TBC1D5: variants seen among roughly 807,000 people sequenced by gnomAD.
TBC1D5 encodes the protein TBC1 domain family, member 5.
TBC1D5 carries 75 observed loss-of-function variants against 100.3 expected under a neutral mutation model. The observed-to-expected ratio is 0.75, with a 90% CI of 0.62 to 0.91. TBC1D5 has a LOEUF of 0.91. Ranked by LOEUF, TBC1D5 falls within the 40% of genes least tolerant of loss-of-function variation. The probability of loss-of-function intolerance (pLI) is 0.00; values close to 1 mark genes in which losing one functional copy is unlikely to be tolerated. For missense variants in TBC1D5, 910 were observed against 942.4 expected (o/e 0.97, Z 0.45); for synonymous variants, 323 against 325.6 (o/e 0.99, Z 0.09).
At chr3:17,360,318 A>C (rs1254524392) in intron 13 of TBC1D5, among the ~76,000 whole-genome samples, 1 of 152,060 alleles carries the variant, frequency 6.6e-6, no homozygotes, top group African/African-American at 2.4e-5. Context: ...ACCACTGTAA[A>C]GTCACAGTTT....
intron 1 of TBC1D5, among the ~76,000 whole-genome samples, chr3:17,738,825 C>A (rs117125756): frequency 6.6e-6 from 1 of 152,172 alleles, no homozygotes; most frequent in Non-Finnish European, 1.5e-5. Flanking sequence ...TGATGATAAT[C>A]TCTGAGCCTC....
At chr3:17,659,844 A>T (rs1160355697) in intron 1 of TBC1D5, among the ~76,000 whole-genome samples, 1 of 152,004 alleles carries the variant, frequency 6.6e-6, no homozygotes, top group Non-Finnish European at 1.5e-5. Flanking sequence ...CATTTCCAGT[A>T]CTCTCATTCT....
At chr3:17,324,234 T>C (rs2085792753) in intron 13 of TBC1D5, among the ~76,000 whole-genome samples, 1 of 152,034 alleles carries the variant, frequency 6.6e-6, no homozygotes, top group Non-Finnish European at 1.5e-5. Flanking sequence ...TAGAAGAAAA[T>C]CTTGTGACAC....
chr3:17,279,387 A>G (rs2080344033), intron 15 of TBC1D5, among the ~76,000 whole-genome samples: 1 of 152,162 alleles, frequency 6.6e-6, no homozygotes, highest in Admixed American at 6.5e-5. Flanking sequence ...GGCACTTTCA[A>G]TCCCTTTGTA....
intron 18 of TBC1D5, among the ~76,000 whole-genome samples, chr3:17,187,825 C>T (rs546309567): frequency 1.1e-4 from 16 of 152,266 alleles, no homozygotes; most frequent in East Asian, 7.7e-4. Flanking sequence ...TGCTGACAGC[C>T]CAGAGTGGAC....
chr3:17,417,610 GT>G (rs1414964856), intron 4 of TBC1D5, among the ~76,000 whole-genome samples: 1 of 152,112 alleles, frequency 6.6e-6, no homozygotes, highest in Non-Finnish European at 1.5e-5. Flanking sequence ...ACTTGGGTTG[GT>G]TCCAAGTCTT....
chr3:17,424,192 G>A (rs1417485140), intron 4 of TBC1D5, among the ~76,000 whole-genome samples: 3 of 152,104 alleles, frequency 2.0e-5, no homozygotes, highest in Non-Finnish European at 4.4e-5. Flanking sequence ...TTATTTCATA[G>A]GTCACTGTTA....
chr3:17,639,079 A>T (rs1185267333), intron 1 of TBC1D5, among the ~76,000 whole-genome samples: 1 of 152,178 alleles, frequency 6.6e-6, no homozygotes, highest in Non-Finnish European at 1.5e-5. Flanking sequence ...TTCTTAGCAG[A>T]TTTATTAATA....
chr3:17,269,887 A>G (rs2079217118), intron 15 of TBC1D5, among the ~76,000 whole-genome samples: 2 of 151,992 alleles, frequency 1.3e-5, no homozygotes, highest in Admixed American at 6.6e-5. Flanking sequence ...TCTTTATCCA[A>G]TCCACCACTG....
chr3:17,190,322 G>A (rs2069712648), intron 18 of TBC1D5, among the ~76,000 whole-genome samples: 2 of 152,194 alleles, frequency 1.3e-5, no homozygotes, highest in African/African-American at 4.8e-5. Context: ...CGTGAGAGAG[G>A]ACTCCTTACA....
chr3:17,674,481 A>C (rs911285924), intron 1 of TBC1D5, among the ~76,000 whole-genome samples: 1 of 152,180 alleles, frequency 6.6e-6, no homozygotes, highest in Non-Finnish European at 1.5e-5. Flanking sequence ...TATCCAACTT[A>C]TATTGATGTT....
chr3:17,683,503 G>A (rs2069790835), intron 1 of TBC1D5, among the ~76,000 whole-genome samples: 1 of 146,506 alleles, frequency 6.8e-6, no homozygotes, highest in African/African-American at 2.8e-5. Context: ...TGCTGTTTAA[G>A]AAAGATGACT....
chr3:17,703,334 C>A (rs563425824), intron 1 of TBC1D5, among the ~76,000 whole-genome samples: 1 of 151,676 alleles, frequency 6.6e-6, no homozygotes, highest in Admixed American at 6.6e-5. Context: ...TATATAGATA[C>A]ATCCATGCAT....
intron 2 of TBC1D5, among the ~76,000 whole-genome samples, chr3:17,546,228 G>A (rs2096413323): frequency 6.6e-6 from 1 of 152,050 alleles, no homozygotes; most frequent in Non-Finnish European, 1.5e-5. Context: ...AAAACCCATA[G>A]CTATCATGGA....
chr3:17,405,922 C>A (rs1222750020), intron 5 of TBC1D5, among the ~76,000 whole-genome samples: 1 of 152,026 alleles, frequency 6.6e-6, no homozygotes, highest in Non-Finnish European at 1.5e-5. Context: ...TTTTGGTAAT[C>A]AGTGGTCCTT....
intron 17 of TBC1D5, among the ~76,000 whole-genome samples, chr3:17,222,823 T>C (rs929162197): frequency 5.9e-5 from 9 of 152,076 alleles, no homozygotes; most frequent in African/African-American, 1.4e-4. Flanking sequence ...TATACTCTAC[T>C]TATGATCTCT....
intron 2 of TBC1D5, among the ~76,000 whole-genome samples, chr3:17,529,305 A>G (rs566100543): frequency 6.6e-6 from 1 of 152,196 alleles, no homozygotes; most frequent in African/African-American, 2.4e-5. Context: ...GAGCCTTTAC[A>G]AAAGTTTCTT....
intron 18 of TBC1D5, among the ~76,000 whole-genome samples, chr3:17,200,959 G>C (rs1272826473): frequency 6.6e-6 from 1 of 152,120 alleles, no homozygotes; most frequent in Non-Finnish European, 1.5e-5. Flanking sequence ...GCATGAATGG[G>C]GAACTCTGTG....
rs150614567 is a variant in TBC1D5, at chr3:17,678,666, TA to T, written c.-100-54754del. Among the ~76,000 whole-genome samples the T allele has an allele frequency of 4.6e-3, 504 of 109,070 alleles. 4 individuals are homozygous for T. Among genetic ancestry groups the T allele is most frequent in the African/African-American group, 9.4e-3 (226 of 23,994 alleles). The allele number at this position is 109,070 out of a possible 152,430, so 71.6% of individuals were successfully genotyped here. ...AAGAGAACTGAGGGAAAAAGAGGGA[TA>T]AAAAAAAAAAAAAAAAAAAACAGGA... On this transcript the variant is annotated intron_variant, in intron 1 of 21. Transcript: ENST00000253692.
Sources: gnomAD v4.1 joint callset for allele counts (sites outside exome capture counted in the v4.1 genomes callset) on GRCh38, gnomAD v4.1.1 for gene constraint, MANE v1.5 for transcripts, NCBI Gene and HGNC (gene_info 2026-07-23, HGNC 2026-07-21) for gene names.